The following TAOK1 variants were observed in gnomAD, a reference collection of about 807,000 sequenced individuals.
The protein encoded by TAOK1 is serine/threonine-protein kinase TAO1.
TAOK1 carries 21 observed loss-of-function variants against 138.3 expected under a neutral mutation model. The observed-to-expected ratio is 0.15, with a 90% CI of 0.11 to 0.22. TAOK1 has a LOEUF of 0.22. Among genes scored for constraint, TAOK1 ranks in the 10% least tolerant of loss-of-function variants. The pLI, the probability that TAOK1 is intolerant of heterozygous loss-of-function variation, is 1.00. For synonymous variants in TAOK1, 361 were observed against 398.4 expected, an observed-to-expected ratio of 0.91 and a Z score of 1.12; for missense variants, 651 against 1,227.7, an observed-to-expected ratio of 0.53 and a Z score of 7.02.
At chr17:29,423,407 C>CG (rs1905521821) in intron 1 of TAOK1, among the ~76,000 whole-genome samples, 1 of 151,414 alleles carries the variant, frequency 6.6e-6, no homozygotes. Flanking sequence ...TTAGTAGAGA[C>CG]GGGGTTTCAC....
intron 8 of TAOK1, among the ~76,000 whole-genome samples, chr17:29,487,893 A>G (rs1245221711): frequency 6.6e-6 from 1 of 152,210 alleles, no homozygotes. Flanking sequence ...GAAGACTGGC[A>G]GACATGGGCC....
At chr17:29,410,034 C>G (rs553982696) in intron 1 of TAOK1, among the ~76,000 whole-genome samples, 1 of 152,142 alleles carries the variant, frequency 6.6e-6, no homozygotes, top group East Asian at 1.9e-4. Context: ...ATTATTGTTG[C>G]TATTTTTAGT....
At chr17:29,496,653 T>C (rs1331439432) in intron 11 of TAOK1, among the ~76,000 whole-genome samples, 1 of 143,664 alleles carries the variant, frequency 7.0e-6, no homozygotes, top group African/African-American at 2.6e-5. Flanking sequence ...AGTGGCACGA[T>C]CTCGGCTCAC....
intron 1 of TAOK1, among the ~76,000 whole-genome samples, chr17:29,427,252 G>A (rs1331624296): frequency 6.6e-6 from 1 of 152,190 alleles, no homozygotes; most frequent in African/African-American, 2.4e-5. Flanking sequence ...TTGAGAACTT[G>A]TAGGTTAAAG....
intron 1 of TAOK1, among the ~76,000 whole-genome samples, chr17:29,407,705 C>A (rs1178764150): frequency 6.6e-6 from 1 of 152,252 alleles, no homozygotes; most frequent in East Asian, 1.9e-4. Context: ...CCTTGGCCTC[C>A]CAAAGTGCTG....
intron 13 of TAOK1, 65 bp downstream of exon 13, chr17:29,502,788 A>C: frequency 2.3e-4 from 349 of 1,533,910 alleles, no homozygotes; most frequent in Non-Finnish European, 2.9e-4. Context: ...ATATAAACTC[A>C]AGTATAGCTA....
chr17:29,441,951 A>G (rs1374252711), intron 1 of TAOK1, among the ~76,000 whole-genome samples: 1 of 151,554 alleles, frequency 6.6e-6, no homozygotes, highest in African/African-American at 2.4e-5. Context: ...TGAGTCTTCT[A>G]TCTTTTTGTT....
chr17:29,440,326 G>T (rs891562368), intron 1 of TAOK1, among the ~76,000 whole-genome samples: 55 of 152,212 alleles, frequency 3.6e-4, no homozygotes, highest in African/African-American at 1.3e-3. Context: ...TTTCAAACTT[G>T]AAGGAATGTA....
chr17:29,522,601 T>C, intron 17 of TAOK1, 82 bp downstream of exon 17: 1 of 1,540,196 alleles, frequency 6.5e-7, no homozygotes, highest in South Asian at 1.3e-5. Context: ...TAAGATGATG[T>C]CTAGTCATAA....
intron 13 of TAOK1, 115 bp downstream of exon 13, chr17:29,502,838 CATTTAAT>C: frequency 1.7e-6 from 2 of 1,174,856 alleles, no homozygotes; most frequent in Non-Finnish European, 2.3e-6. Flanking sequence ...ACGAAATACT[CATTTAAT>C]ATTTAAGTGC....
At chr17:29,515,516 C>A (rs2031798311) in intron 15 of TAOK1, among the ~76,000 whole-genome samples, 1 of 152,122 alleles carries the variant, frequency 6.6e-6, no homozygotes, top group African/African-American at 2.4e-5. Flanking sequence ...ATCTCTCTTT[C>A]CTTTCCGATT....
At position 29,451,544 on chromosome 17, in the gene TAOK1, G is replaced by T; in HGVS notation, c.-5G>T. On this transcript the variant is annotated 5_prime_UTR_variant, in exon 2 of 20. Transcript: ENST00000261716. ...TAGAATCAAGACAGCTGACTGCTCA[G>T]CAGGATGCCATCAACTAACAGAGCA... is the stretch of plus-strand genomic sequence containing the variant. 1 of 1,609,402 alleles carries T rather than the reference G, an allele frequency of 6.2e-7. No homozygotes were observed.
At chr17:29,494,170 G>T (rs1240202879) in intron 10 of TAOK1, among the ~76,000 whole-genome samples, 1 of 152,130 alleles carries the variant, frequency 6.6e-6, no homozygotes, top group Non-Finnish European at 1.5e-5. Context: ...GCCTCCCAAA[G>T]TGCTGTGATA....
Position 29,468,135 on chromosome 17 carries a change from A to ATTTTTTTTTTTTTTTTTT in TAOK1, c.204+936_204+937insTTTTTTTTTTTTTTTTTT, listed in dbSNP as rs761962930. On this transcript the variant is annotated intron_variant, in intron 3 of 19. Transcript: ENST00000261716. ...AACCACTGTGCTTGGCCTGCTTTCA[A>ATTTTTTTTTTTTTTTTTT]TTTTTTTTTTTTTTTTTAGGAGCTG... Among the ~76,000 whole-genome samples, 347 of 76,034 alleles carry ATTTTTTTTTTTTTTTTTT rather than the reference A, an allele frequency of 4.6e-3. 70 individuals carry two copies. The highest frequency in any genetic ancestry group is 0.014 in the African/African-American group (254 of 18,118). The allele number at this position is 76,034 out of a possible 152,430, so 49.9% of individuals were successfully genotyped here. A position where few individuals can be genotyped will look rare whatever the true frequency, so the allele number is the denominator to read the frequency against.
chr17:29,540,266 T>G (rs2032293822), intron 19 of TAOK1, among the ~76,000 whole-genome samples: 1 of 152,234 alleles, frequency 6.6e-6, no homozygotes, highest in Admixed American at 6.5e-5. Context: ...ACCAAATGTC[T>G]GTATGTCTGT....
intron 1 of TAOK1, among the ~76,000 whole-genome samples, chr17:29,449,092 A>T (rs1352451187): frequency 6.6e-6 from 1 of 152,226 alleles, no homozygotes; most frequent in Non-Finnish European, 1.5e-5. Context: ...ATTTTAATGT[A>T]AAATAATTCT....
intron 15 of TAOK1, chr17:29,513,520 C>T (rs1217197950): frequency 6.6e-6 from 1 of 152,058 alleles, no homozygotes; most frequent in Non-Finnish European, 1.5e-5. Context: ...CAAATAAATG[C>T]ATTTTCTTTT....
intron 1 of TAOK1, among the ~76,000 whole-genome samples, chr17:29,396,349 G>A (rs1598462096): frequency 6.6e-6 from 1 of 152,086 alleles, no homozygotes; most frequent in East Asian, 1.9e-4. Flanking sequence ...TTTTTAAAAT[G>A]TTAAGTACCT....
chr17:29,409,561 C>T (rs1003327626), intron 1 of TAOK1, among the ~76,000 whole-genome samples: 1 of 151,468 alleles, frequency 6.6e-6, no homozygotes, highest in African/African-American at 2.4e-5. Context: ...TCTCGATTTC[C>T]TGACCTTGTG....
Sources: allele counts gnomAD v4.1 joint callset (sites outside exome capture counted in the v4.1 genomes callset), GRCh38; gene constraint gnomAD v4.1.1; transcripts MANE v1.5; gene names NCBI Gene and HGNC (gene_info 2026-07-23, HGNC 2026-07-21).